The following RFX3 variants were observed in gnomAD, a reference collection of about 807,000 sequenced individuals.
RFX3 encodes transcription factor RFX3.
Under a neutral mutation model 98.6 loss-of-function variants are expected in RFX3, and 14 were observed. That is an observed-to-expected ratio of 0.14 (90% CI 0.09 to 0.22). RFX3 has a LOEUF of 0.22. Among genes scored for constraint, RFX3 ranks in the 10% least tolerant of loss-of-function variants. The pLI is 1.00. For missense variants in RFX3, 639 were observed against 926.9 expected (o/e 0.69, Z 4.03); for synonymous variants, 383 against 328.4 (o/e 1.17, Z -1.80).
At chr9:3,370,294 G>A (rs1837695280) in intron 2 of RFX3, among the ~76,000 whole-genome samples, 2 of 151,276 alleles carry the variant, frequency 1.3e-5, no homozygotes, top group African/African-American at 4.8e-5. Context: ...TCAGAAAACT[G>A]AACAAAATAC....
chr9:3,408,566 T>G (rs1004155153), intron 1 of RFX3, among the ~76,000 whole-genome samples: 1 of 152,062 alleles, frequency 6.6e-6, no homozygotes, highest in Admixed American at 6.6e-5. Flanking sequence ...TCAAAAAGTC[T>G]GTGCTGTAAG....
chr9:3,326,613 G>C (rs1831950416), intron 4 of RFX3, among the ~76,000 whole-genome samples: 2 of 152,074 alleles, frequency 1.3e-5, no homozygotes, highest in Admixed American at 1.3e-4. Context: ...GCATTAGTTT[G>C]CTAAGGAAAA....
chr9:3,283,178 T>C (rs1190655830), intron 7 of RFX3, among the ~76,000 whole-genome samples: 4 of 151,760 alleles, frequency 2.6e-5, no homozygotes, highest in African/African-American at 7.2e-5. Flanking sequence ...CCTAGAGGTA[T>C]AGAGAAATGG....
At chr9:3,383,328 T>G (rs1839388718) in intron 2 of RFX3, among the ~76,000 whole-genome samples, 1 of 152,192 alleles carries the variant, frequency 6.6e-6, no homozygotes, top group Non-Finnish European at 1.5e-5. Flanking sequence ...GCTTGTGACA[T>G]TTCTTGATAA....
chr9:3,261,611 C>T (rs1186777516), intron 13 of RFX3, among the ~76,000 whole-genome samples: 4 of 152,056 alleles, frequency 2.6e-5, no homozygotes, highest in Admixed American at 2.0e-4. Context: ...TTATGAACCT[C>T]TATGTATAAG....
intron 5 of RFX3, among the ~76,000 whole-genome samples, chr9:3,294,105 A>C (rs537840988): frequency 6.6e-6 from 1 of 152,180 alleles, no homozygotes; most frequent in East Asian, 1.9e-4. Flanking sequence ...ATCCAAGTCT[A>C]TATTATTGAA....
At chr9:3,457,094 TCGCACCACTGCG>T (rs1369873722) in intron 1 of RFX3, among the ~76,000 whole-genome samples, 1 of 121,324 alleles carries the variant, frequency 8.2e-6, no homozygotes, top group Non-Finnish European at 1.6e-5. Context: ...TGAACCGAGA[TCGCACCACTGCG>T]CTCCAGCCTG....
At chr9:3,320,725 C>T (rs1236233845) in intron 4 of RFX3, among the ~76,000 whole-genome samples, 1 of 133,936 alleles carries the variant, frequency 7.5e-6, no homozygotes, top group Admixed American at 7.2e-5. Flanking sequence ...CATACATACA[C>T]ACACATATGT....
intron 1 of RFX3, among the ~76,000 whole-genome samples, chr9:3,474,192 A>G (rs74779005): frequency 0.016 from 2,463 of 152,328 alleles, 65 homozygotes; most frequent in African/African-American, 0.055. Context: ...GTAGATTTAT[A>G]TAAGACTTGC....
chr9:3,257,213 A>C lies in RFX3; in HGVS notation c.1606-14T>G. 1 of 1,612,714 alleles carries C rather than the reference A, an allele frequency of 6.2e-7. No individual in the cohort carries two copies. Among genetic ancestry groups the C allele is most frequent in the Non-Finnish European group, 8.5e-7 (1 of 1,179,106 alleles). ...GGAAGCCTGCTCCTGAGACAGTAAC[A>C]CAGAAAGAAAAGGAAAAGTTCAATT... On this transcript the variant is annotated splice_polypyrimidine_tract_variant and intron_variant, in intron 13 of 16. Coordinates refer to ENST00000617270, the MANE Select transcript of RFX3 (RefSeq NM_001282116.2).
chr9:3,468,580 A>T (rs1239975486), intron 1 of RFX3, among the ~76,000 whole-genome samples: 1 of 152,204 alleles, frequency 6.6e-6, no homozygotes, highest in Non-Finnish European at 1.5e-5. Context: ...TATGTAATGT[A>T]GGCAGCTTAG....
At chr9:3,471,160 G>C (rs548926185) in intron 1 of RFX3, among the ~76,000 whole-genome samples, 25 of 152,232 alleles carry the variant, frequency 1.6e-4, no homozygotes, top group African/African-American at 5.5e-4. Flanking sequence ...AGGCAAATCT[G>C]TCCCACTCAC....
At chr9:3,359,725 G>T (rs1278233430) in intron 2 of RFX3, among the ~76,000 whole-genome samples, 1 of 152,024 alleles carries the variant, frequency 6.6e-6, no homozygotes, top group Non-Finnish European at 1.5e-5. Context: ...TCTAAATGGG[G>T]ATGTGTATTT....
chr9:3,397,190 C>T (rs765821947), intron 1 of RFX3, among the ~76,000 whole-genome samples: 50 of 152,260 alleles, frequency 3.3e-4, no homozygotes, highest in South Asian at 1.2e-3. Flanking sequence ...ATGCTTTCTC[C>T]GGCTTCCTGG....
chr9:3,434,223 G>A (rs569940503), intron 1 of RFX3, among the ~76,000 whole-genome samples: 1 of 152,150 alleles, frequency 6.6e-6, no homozygotes, highest in African/African-American at 2.4e-5. Flanking sequence ...TGGCCTGAGT[G>A]CCTAGATCAG....
intron 1 of RFX3, among the ~76,000 whole-genome samples, chr9:3,522,390 T>C (rs1185892991): frequency 2.6e-5 from 4 of 152,162 alleles, no homozygotes; most frequent in African/African-American, 7.2e-5. Context: ...TGAGCTCAAA[T>C]AGAGGATTTT....
chr9:3,456,838 C>CTAAT (rs1392068294), intron 1 of RFX3, among the ~76,000 whole-genome samples: 1 of 152,020 alleles, frequency 6.6e-6, no homozygotes, highest in African/African-American at 2.4e-5. Flanking sequence ...AGTCATCTGT[C>CTAAT]TAATCATCAG....
intron 3 of RFX3, among the ~76,000 whole-genome samples, chr9:3,334,136 T>C (rs1270984304): frequency 6.6e-6 from 1 of 152,222 alleles, no homozygotes; most frequent in East Asian, 1.9e-4. Context: ...CAATGATATA[T>C]GTTAACAACT....
In RFX3 at chr9:3,414,709, A is replaced by G. The variant is rs560175359; in HGVS notation, c.-8-19113T>C. Among the ~76,000 whole-genome samples the G allele has an allele frequency of 2.6e-3, 323 of 125,272 alleles. 8 individuals are homozygous for G. Among genetic ancestry groups the G allele is most frequent in the African/African-American group, 0.011 (321 of 28,544 alleles). 82.2% of individuals were successfully genotyped at this position (125,272 alleles called of 152,430 possible). Reference sequence around the variant, plus strand: ...ATATATGTATATATGAGTATATATGAGTATATATGTATATATGAGTATATA... The same window carrying G: ...ATATATGTATATATGAGTATATATGGGTATATATGTATATATGAGTATATA... On this transcript the variant is annotated intron_variant, in intron 1 of 16. Transcript: ENST00000617270.
Sources: gnomAD v4.1 joint callset for allele counts (sites outside exome capture counted in the v4.1 genomes callset) on GRCh38, gnomAD v4.1.1 for gene constraint, MANE v1.5 for transcripts, NCBI Gene and HGNC (gene_info 2026-07-23, HGNC 2026-07-21) for gene names.